The following KIF1A variants were observed in gnomAD, a reference collection of about 807,000 sequenced individuals.
The protein encoded by KIF1A is kinesin family member 1A.
Under a neutral mutation model 227.3 loss-of-function variants are expected in KIF1A, and 46 were observed. That is an observed-to-expected ratio of 0.20 (90% CI 0.16 to 0.26). The LOEUF (loss-of-function observed/expected upper bound fraction) is 0.26, where lower values mean the gene tolerates loss of function less well. Among genes scored for constraint, KIF1A ranks in the 10% least tolerant of loss-of-function variants. KIF1A has a pLI of 1.00. For missense variants in KIF1A, 1,683 were observed against 2,485.9 expected, an observed-to-expected ratio of 0.68 and a Z score of 6.87; for synonymous variants, 1,022 against 1,012.8, an observed-to-expected ratio of 1.01 and a Z score of -0.17.
intron 43 of KIF1A, 32 bp from the exon 44 acceptor site, chr2:240,721,916 C>A: frequency 6.4e-7 from 1 of 1,571,122 alleles, no homozygotes. Context: ...GGTCAGGGGC[C>A]AGGCCTCCCG....
At chr2:240,796,644 C>G (rs2056431157) in intron 2 of KIF1A, among the ~76,000 whole-genome samples, 1 of 152,348 alleles carries the variant, frequency 6.6e-6, no homozygotes, top group East Asian at 1.9e-4. Context: ...ACAGCCGCAG[C>G]AGCCTCCATA....
rs1356399506 is a variant in KIF1A, at chr2:240,807,130, G to GTGTATA, written c.-60-9319_-60-9318insTATACA. Among the ~76,000 whole-genome samples the GTGTATA allele has an allele frequency of 1.4e-3, 169 of 119,378 alleles. 2 individuals are homozygous for GTGTATA. Among genetic ancestry groups the GTGTATA allele is most frequent in the African/African-American group, 3.8e-3 (123 of 32,760 alleles). The allele number at this position is 119,378 out of a possible 152,430, so 78.3% of individuals were successfully genotyped here. On this transcript the variant is annotated intron_variant, in intron 1 of 48. Transcript: ENST00000498729. ...TGTGTGTGTGTGTGTGTGTGTGTGT[G>GTGTATA]TATATATATATATATATATATACAC... is the stretch of plus-strand genomic sequence containing the variant.
intron 1 of KIF1A, among the ~76,000 whole-genome samples, chr2:240,812,864 G>A (rs1222609256): frequency 7.2e-6 from 1 of 139,474 alleles, no homozygotes; most frequent in Admixed American, 7.6e-5. Flanking sequence ...TCACCTCGGG[G>A]ATCAGCCTTC....
At chr2:240,783,926 C>G (rs2054391490) in intron 7 of KIF1A, 110 bp from the exon 8 acceptor site, 1 of 847,706 alleles carries the variant, frequency 1.2e-6, no homozygotes, top group Non-Finnish European at 1.9e-6. Context: ...GGCCAAGCGT[C>G]CCCTCTGCAA....
chr2:240,805,108 GGAGGGAGA>G (rs1559543999), intron 1 of KIF1A, among the ~76,000 whole-genome samples: 1 of 61,020 alleles, frequency 1.6e-5, no homozygotes. Flanking sequence ...GAGAGGGGAG[GGAGGGAGA>G]GGGGAGGGAG....
rs773459672 is a variant in KIF1A at position 240,785,017 on chromosome 2, T to C, written c.692A>G (p.Asp231Gly). Residue 231 changes from aspartate to glycine, a missense_variant, in exon 7 of 49, where the codon GAC (aspartate) becomes GGC (glycine). Physicochemically the swap from Asp to Gly is moderately conservative, Grantham distance 94. Transcript: ENST00000498729. ...FNIIFTQKRHDAETNITTEKV... is the reference protein window; with the variant it reads ...FNIIFTQKRHGAETNITTEKV... ...CTCCGTGGTGATATTGGTCTCTGCGTCATGGCGCTTCTGGGTGAAGATGAT... is the reference window on the plus strand; with the variant it reads ...CTCCGTGGTGATATTGGTCTCTGCGCCATGGCGCTTCTGGGTGAAGATGAT... 1 of 1,613,606 alleles carries C rather than the reference T, an allele frequency of 6.2e-7. No homozygotes were observed. Among genetic ancestry groups the C allele is most frequent in the Admixed American group, 1.7e-5 (1 of 60,018 alleles).
At chr2:240,754,578 C>A (rs1054417841) in intron 27 of KIF1A, among the ~76,000 whole-genome samples, 1 of 152,254 alleles carries the variant, frequency 6.6e-6, no homozygotes, top group African/African-American at 2.4e-5. Flanking sequence ...TGCCTGGCAT[C>A]TTGGAGCCTG....
chr2:240,783,749 G>C lies in KIF1A; in HGVS notation c.788C>G (p.Thr263Arg). The change falls in exon 8 of 49, where the codon ACG (threonine) becomes AGG (arginine). Residue 263 changes from threonine to arginine, a missense_variant. Thr to Arg is a moderately conservative substitution (Grantham distance 71). This residue lies in a region of KIF1A where 14 missense variants were observed against 62.4 expected (regional missense o/e 0.22). Coordinates refer to ENST00000498729, the MANE Select transcript of KIF1A (RefSeq NM_001244008.2). ...ERADSTGAKG[T>R]RLKEGANINK... ...CGGCCTGGCCCCTACCTTGAGGCGC[G>C]TGCCCTTGGCTCCCGTGGAGTCAGC... 1 of 1,575,192 alleles carries C rather than the reference G, an allele frequency of 6.3e-7. No individual in the cohort carries two copies. Among genetic ancestry groups the C allele is most frequent in the South Asian group, 1.2e-5 (1 of 85,636 alleles).
chr2:240,759,141 ATGAG>A (rs536140901), intron 25 of KIF1A, among the ~76,000 whole-genome samples: 131 of 98,418 alleles, frequency 1.3e-3, no homozygotes, highest in African/African-American at 5.4e-3. Context: ...ATGAATGCTT[ATGAG>A]TGTGTGTGTG....
At chr2:240,753,928 C>T (rs978499990) in intron 27 of KIF1A, among the ~76,000 whole-genome samples, 2 of 152,190 alleles carry the variant, frequency 1.3e-5, no homozygotes. Flanking sequence ...CCACCACCTA[C>T]TTCTAGGGCC....
At chr2:240,782,750 C>A (rs2054237194) in intron 9 of KIF1A, 143 bp from the exon 10 acceptor site, 2 of 898,302 alleles carry the variant, frequency 2.2e-6, no homozygotes, top group East Asian at 2.6e-5. Flanking sequence ...ACAGCAGCTC[C>A]CCCAGGCAGG....
In KIF1A at chr2:240,726,478, G is replaced by A. The variant is rs1202073421; in HGVS notation, c.4122+348C>T. On this transcript the variant is annotated intron_variant, in intron 39 of 48. Coordinates refer to ENST00000498729, the MANE Select transcript of KIF1A (RefSeq NM_001244008.2). This position sits in a 1 kb window ranked among gnomAD's most constrained non-coding sequence, Gnocchi z 5.2. ...GTTCAAAAATTAGCCGGGCGTGGTG[G>A]CAGGCACCTGTAATCCCAGCTACTT... 1.3e-5 allele frequency among the ~76,000 whole-genome samples: 2 copies of A among 152,192 alleles called. No individual in the cohort carries two copies. Among genetic ancestry groups the A allele is most frequent in the Admixed American group, 6.5e-5 (1 of 15,282 alleles).
rs374651110 is a variant in KIF1A at position 240,760,305 on chromosome 2, T to C, written c.2444+360A>G. On this transcript the variant is annotated intron_variant, in intron 25 of 48. Coordinates refer to ENST00000498729, the MANE Select transcript of KIF1A (RefSeq NM_001244008.2). Reference sequence around the variant, plus strand: ...GGGAGCCACCCTTCAGGCCCTGCTGTACCCGCTCTTGGCGCTCCGCCAGCC... The same window carrying C: ...GGGAGCCACCCTTCAGGCCCTGCTGCACCCGCTCTTGGCGCTCCGCCAGCC... 6.6e-5 allele frequency among the ~76,000 whole-genome samples: 10 copies of C among 152,344 alleles called. No homozygotes were observed. In the East Asian group the frequency reaches 1.7e-3, roughly 27 times the overall value.
intron 10 of KIF1A, among the ~76,000 whole-genome samples, chr2:240,780,830 C>CCACACACACACACACACACACA (rs772178620): frequency 2.0e-3 from 20 of 10,030 alleles, no homozygotes; most frequent in Non-Finnish European, 2.7e-3. Flanking sequence ...ACACACAGCT[C>CCACACACACACACACACACACA]CACACACACA....
In KIF1A at chr2:240,769,651, C is replaced by T. The variant is rs2125940645; in HGVS notation, c.1397G>A (p.Arg466Gln). Residue 466 changes from arginine to glutamine, a missense_variant, in exon 16 of 49, where the codon CGG (arginine) becomes CAG (glutamine). By Grantham distance (43) the Arg-to-Gln change is conservative. Around this residue, in one of 12 missense-constraint regions of KIF1A, gnomAD observed 217 missense variants for 427.0 expected, o/e 0.51. Transcript: ENST00000498729. Reference protein sequence around the residue: ...LNETWEEKLRRTEAIRMEREA... With the variant: ...LNETWEEKLRQTEAIRMEREA... ...CCTCTCCATCCGGATGGCTTCTGTC[C>T]GCCGCAGCTTCTCCTCCCAGGTCTC... is the stretch of plus-strand genomic sequence containing the variant. 6.2e-7 allele frequency: 1 copy of T among 1,613,456 alleles called. No individual in the cohort carries two copies. Among genetic ancestry groups the T allele is most frequent in the Non-Finnish European group, 8.5e-7 (1 of 1,179,744 alleles).
intron 10 of KIF1A, among the ~76,000 whole-genome samples, chr2:240,777,840 C>T (rs2052978622): frequency 6.6e-6 from 1 of 152,242 alleles, no homozygotes; most frequent in Non-Finnish European, 1.5e-5. Flanking sequence ...CCTCGAAAAC[C>T]CTCTCGCGCG....
At chr2:240,781,808 C>T in intron 10 of KIF1A, 1 of 985,334 alleles carries the variant, frequency 1.0e-6, no homozygotes, top group Non-Finnish European at 1.2e-6. Context: ...TCGGGTTCGC[C>T]ACACCGTTCT....
intron 11 of KIF1A, among the ~76,000 whole-genome samples, chr2:240,774,771 T>C (rs1050325867): frequency 1.3e-5 from 2 of 152,302 alleles, no homozygotes; most frequent in South Asian, 2.1e-4. Context: ...GGGAATCCTG[T>C]CTAGGTAACC....
rs115561782 is a variant in KIF1A, at chr2:240,752,384, C to T, written c.2859-1837G>A. 0.026 allele frequency among the ~76,000 whole-genome samples: 3,930 copies of T among 152,256 alleles called. 68 individuals carry two copies. The highest frequency in any genetic ancestry group is 0.036 in the Non-Finnish European group (2,457 of 68,018). The stretch of plus-strand genomic sequence containing the variant: ...ACAGGGCGGGGCCCCTCCCCACAGT[C>T]CTGCTGGGTGCTCCGCAGGCAGGGA... On this transcript the variant is annotated intron_variant, in intron 27 of 48. Transcript: ENST00000498729. This position sits in a 1 kb window ranked among gnomAD's most constrained non-coding sequence, Gnocchi z 6.4.
Sources: gnomAD v4.1 joint callset for allele counts (sites outside exome capture counted in the v4.1 genomes callset) on GRCh38, gnomAD v4.1.1 for gene constraint, gnomAD v4.1.1 regional missense constraint, Gnocchi (gnomAD v3.1) non-coding constraint, MANE v1.5 for transcripts, NCBI Gene and HGNC (gene_info 2026-07-23, HGNC 2026-07-21) for gene names.